PCDHGA8: variants seen among roughly 807,000 people sequenced by gnomAD.
The protein encoded by PCDHGA8 is protocadherin gamma-A8.
A neutral mutation model predicts 59.2 loss-of-function variants in PCDHGA8; 45 were observed. The observed-to-expected ratio is 0.76, with a 90% CI of 0.60 to 0.98. The LOEUF is 0.98. PCDHGA8 is among the 50% of genes least tolerant of loss of function. The probability of loss-of-function intolerance (pLI) is 0.00; values close to 1 mark genes in which losing one functional copy is unlikely to be tolerated. For synonymous variants in PCDHGA8, 531 were observed against 519.0 expected, an observed-to-expected ratio of 1.02 and a Z score of -0.32; for missense variants, 1,257 against 1,196.2, an observed-to-expected ratio of 1.05 and a Z score of -0.75.
At chr5:141,440,763 T>A (rs2098198978) in intron 1 of PCDHGA8, 1 of 152,138 alleles carries the variant, frequency 6.6e-6, no homozygotes, top group Admixed American at 6.6e-5. Flanking sequence ...AGAGCTCCCA[T>A]CCCTTAGTGC....
At chr5:141,459,984 A>G (rs906041823) in intron 1 of PCDHGA8, among the ~76,000 whole-genome samples, 4 of 152,216 alleles carry the variant, frequency 2.6e-5, no homozygotes, top group Non-Finnish European at 5.9e-5. Flanking sequence ...AGGCTGAGAC[A>G]GGAGAATCGC....
intron 1 of PCDHGA8, chr5:141,422,819 T>C (rs369004166): frequency 2.5e-6 from 4 of 1,614,068 alleles, no homozygotes; most frequent in Non-Finnish European, 2.5e-6. Flanking sequence ...GACTTAGAAC[T>C]GAGAGTGATA....
chr5:141,499,191 C>A (rs920773306), intron 2 of PCDHGA8, among the ~76,000 whole-genome samples: 1 of 152,116 alleles, frequency 6.6e-6, no homozygotes, highest in Non-Finnish European at 1.5e-5. Context: ...ACCATTTCCC[C>A]CTTCTTAGGC....
chr5:141,508,334 C>T (rs1323577321), intron 3 of PCDHGA8: 2 of 151,150 alleles, frequency 1.3e-5, no homozygotes, highest in African/African-American at 4.9e-5. Flanking sequence ...GGAGAACTGA[C>T]TCTACAGAAA....
intron 1 of PCDHGA8, chr5:141,408,141 C>G: frequency 1.3e-6 from 2 of 1,492,116 alleles, no homozygotes; most frequent in Non-Finnish European, 1.8e-6. Context: ...GCTCTTTTAG[C>G]GCGGTAGAGT....
intron 1 of PCDHGA8, chr5:141,410,783 T>C (rs2095423369): frequency 1.1e-6 from 1 of 919,042 alleles, no homozygotes; most frequent in East Asian, 2.7e-5. Flanking sequence ...ACTATGTATT[T>C]GGTTCATAAG....
At chr5:141,413,958 G>C in intron 1 of PCDHGA8, 1 of 1,613,392 alleles carries the variant, frequency 6.2e-7, no homozygotes, top group African/African-American at 1.3e-5. Flanking sequence ...ATTTGCCTGT[G>C]GGCACTCAGC....
At position 141,393,310 on chromosome 5, in the gene PCDHGA8, C is replaced by A. The variant is rs775937552; in HGVS notation, c.497C>A (p.Ser166Tyr). The change falls in exon 1 of 4, where the codon TCC becomes TAC. Residue 166 changes from serine (S) to tyrosine (Y), a missense_variant. By Grantham distance (144) the Ser-to-Tyr change is moderately radical. Coordinates refer to ENST00000398604, the MANE Select transcript of PCDHGA8 (RefSeq NM_032088.2). ...EAVDPDVGVNSLQSYQLSPNH... is the reference protein window; with the variant it reads ...EAVDPDVGVNYLQSYQLSPNH... ...GTTGACCCGGATGTGGGCGTGAACTCCCTCCAGAGCTACCAGCTCAGCCCC... is the reference window on the plus strand; with the variant it reads ...GTTGACCCGGATGTGGGCGTGAACTACCTCCAGAGCTACCAGCTCAGCCCC... The A allele has an allele frequency of 1.2e-6, 2 of 1,613,388 alleles. No individual in the cohort carries two copies. Among genetic ancestry groups the A allele is most frequent in the African/African-American group, 2.7e-5 (2 of 74,632 alleles).
At chr5:141,414,498 C>T (rs2095755127) in intron 1 of PCDHGA8, 1 of 1,613,848 alleles carries the variant, frequency 6.2e-7, no homozygotes, top group African/African-American at 1.3e-5. Flanking sequence ...CGGAAGCTCA[C>T]TTTATGCTAC....
chr5:141,507,075 C>T (rs1006779614), intron 3 of PCDHGA8: 25 of 152,176 alleles, frequency 1.6e-4, no homozygotes, highest in Admixed American at 1.1e-3. Context: ...CCTGGCTCAA[C>T]TCCTAAGTTT....
chr5:141,461,510 G>T (rs2099016853), intron 1 of PCDHGA8, among the ~76,000 whole-genome samples: 1 of 152,014 alleles, frequency 6.6e-6, no homozygotes, highest in Non-Finnish European at 1.5e-5. Context: ...TTGGTGATTT[G>T]TTAGTTCCTT....
At position 141,432,669 on chromosome 5, in the gene PCDHGA8, C is replaced by T. The variant is rs777314784; in HGVS notation, c.2424+37432C>T. ...GCGCGAGCCCTGCTGGACAGAGACG[C>T]GCTCAAGCAGAGCCTCGTAGTGGCC... On this transcript the variant is annotated intron_variant, in intron 1 of 3. Transcript: ENST00000398604. This position sits in a 1 kb window ranked among gnomAD's most constrained non-coding sequence, Gnocchi z 6.0. 1 of 1,613,894 alleles carries T rather than the reference C, an allele frequency of 6.2e-7. No homozygotes were observed.
At chr5:141,464,556 G>A (rs1158827360) in intron 1 of PCDHGA8, among the ~76,000 whole-genome samples, 4 of 151,990 alleles carry the variant, frequency 2.6e-5, no homozygotes, top group Admixed American at 6.6e-5. Flanking sequence ...TCCCCATCTT[G>A]CATTCCTACA....
intron 1 of PCDHGA8, among the ~76,000 whole-genome samples, chr5:141,402,158 G>A (rs1276790302): frequency 2.0e-5 from 3 of 151,990 alleles, no homozygotes; most frequent in Non-Finnish European, 2.9e-5. Context: ...AATATTAGGC[G>A]AGAACATCTG....
chr5:141,445,825 G>A (rs1031190864), intron 1 of PCDHGA8, among the ~76,000 whole-genome samples: 8 of 152,124 alleles, frequency 5.3e-5, no homozygotes, highest in Non-Finnish European at 1.2e-4. Context: ...AATAAGGCAG[G>A]GAGAGCCTTG....
chr5:141,426,270 G>A lies in PCDHGA8; in HGVS notation c.2424+31033G>A, dbSNP rs999517850. On this transcript the variant is annotated intron_variant, in intron 1 of 3. Coordinates refer to ENST00000398604, the MANE Select transcript of PCDHGA8 (RefSeq NM_032088.2). Reference sequence around the variant, plus strand: ...TTTTCTCTTAACGTCGGAGACTGCAGCAACGCATGGGAAGGATGGGAAACA... The same window carrying A: ...TTTTCTCTTAACGTCGGAGACTGCAACAACGCATGGGAAGGATGGGAAACA... 2.6e-4 allele frequency: 43 copies of A among 163,626 alleles called. 1 individual carries two copies. The highest frequency in any genetic ancestry group is 3.0e-3 in the Middle Eastern group (1 of 328). 10.1% of individuals were successfully genotyped at this position (163,626 alleles called of 1,614,324 possible).
chr5:141,408,921 C>T (rs1228341286), intron 1 of PCDHGA8: 2 of 1,613,462 alleles, frequency 1.2e-6, no homozygotes, highest in African/African-American at 1.3e-5. Flanking sequence ...GATAACCCCC[C>T]GGTTTTCAGC....
chr5:141,404,177 A>C, intron 1 of PCDHGA8: 1 of 1,613,448 alleles, frequency 6.2e-7, no homozygotes, highest in Non-Finnish European at 8.5e-7. Context: ...GACGGCCCAA[A>C]TTCTTGACCG....
chr5:141,503,630 A>G, intron 2 of PCDHGA8, among the ~76,000 whole-genome samples: 1 of 152,088 alleles, frequency 6.6e-6, no homozygotes, highest in Admixed American at 6.6e-5. Flanking sequence ...AAGAAAAGAA[A>G]TAATTATTGA....
Sources: allele counts gnomAD v4.1 joint callset (sites outside exome capture counted in the v4.1 genomes callset), GRCh38; gene constraint gnomAD v4.1.1; non-coding constraint Gnocchi (gnomAD v3.1); transcripts MANE v1.5; gene names NCBI Gene and HGNC (gene_info 2026-07-23, HGNC 2026-07-21).